The following CRPPA variants were observed in gnomAD, a reference collection of about 807,000 sequenced individuals.
The protein encoded by CRPPA is CDP-L-ribitol pyrophosphorylase A, also known as D-ribitol-5-phosphate cytidylyltransferase.
CRPPA carries 43 observed loss-of-function variants against 52.0 expected under a neutral mutation model. The observed-to-expected ratio is 0.83, with a 90% CI of 0.65 to 1.07. CRPPA has a LOEUF of 1.07. Among genes scored for constraint, CRPPA ranks in the 50% least tolerant of loss-of-function variants. The pLI, the probability that CRPPA is intolerant of heterozygous loss-of-function variation, is 0.00. For synonymous variants in CRPPA, 250 were observed against 203.5 expected (o/e 1.23, Z -1.94); for missense variants, 629 against 551.7 (o/e 1.14, Z -1.40).
At chr7:16,317,822 T>A (rs544933879) in intron 3 of CRPPA, among the ~76,000 whole-genome samples, 76 of 152,320 alleles carry the variant, frequency 5.0e-4, no homozygotes, top group Non-Finnish European at 1.0e-3. Context: ...AACCTCTGCA[T>A]TGCTTGCTTT....
chr7:16,388,064 G>T (rs1787337919), intron 2 of CRPPA, among the ~76,000 whole-genome samples: 1 of 152,078 alleles, frequency 6.6e-6, no homozygotes, highest in African/African-American at 2.4e-5. Context: ...GCTCACTACT[G>T]CTTCAGCCTC....
chr7:16,280,075 T>A (rs1043935069), intron 5 of CRPPA, among the ~76,000 whole-genome samples: 3 of 152,178 alleles, frequency 2.0e-5, no homozygotes, highest in African/African-American at 7.2e-5. Flanking sequence ...CTCACTATCA[T>A]GAGAACAGCA....
intron 2 of CRPPA, among the ~76,000 whole-genome samples, chr7:16,383,831 T>G (rs1024506881): frequency 4.6e-5 from 7 of 152,308 alleles, no homozygotes; most frequent in African/African-American, 1.7e-4. Flanking sequence ...GGTGTGCCGT[T>G]TTTTAAGCCC....
rs373128857 is a variant in CRPPA, at chr7:16,205,137, T to C, written c.1251+10929A>G. On this transcript the variant is annotated intron_variant, in intron 9 of 9. Transcript: ENST00000407010. ...CAAAACAGCTATTCACCATTACTTA[T>C]GTTCTTGAATTCACAACAACGGCCA... is the stretch of plus-strand genomic sequence containing the variant. 1.6e-4 allele frequency among the ~76,000 whole-genome samples: 24 copies of C among 152,324 alleles called. 1 individual carries two copies. In the Middle Eastern group the frequency reaches 0.01, roughly 65 times the overall value.
At chr7:16,129,475 C>T (rs555434735) in intron 9 of CRPPA, among the ~76,000 whole-genome samples, 4 of 152,170 alleles carry the variant, frequency 2.6e-5, no homozygotes, top group Middle Eastern at 3.4e-3. Flanking sequence ...ATCTTAGGCT[C>T]TCATTGTCTC....
At chr7:16,387,365 T>C (rs1324576035) in intron 2 of CRPPA, among the ~76,000 whole-genome samples, 1 of 151,882 alleles carries the variant, frequency 6.6e-6, no homozygotes, top group Non-Finnish European at 1.5e-5. Context: ...AATGTTTGCA[T>C]GTATACTGTA....
At chr7:16,100,900 T>C (rs1782030929) in intron 9 of CRPPA, among the ~76,000 whole-genome samples, 1 of 152,216 alleles carries the variant, frequency 6.6e-6, no homozygotes, top group African/African-American at 2.4e-5. Flanking sequence ...TCTGCATCTA[T>C]TGAGATAATC....
chr7:16,300,652 C>G (rs888470647), intron 5 of CRPPA, among the ~76,000 whole-genome samples: 1 of 152,144 alleles, frequency 6.6e-6, no homozygotes, highest in East Asian at 1.9e-4. Context: ...AGAGGCCAGG[C>G]GTGCTGCTAA....
At chr7:16,259,130 T>TA (rs1783726556) in intron 6 of CRPPA, 118 bp from the exon 7 acceptor site, 5 of 488,082 alleles carry the variant, frequency 1.0e-5, no homozygotes, top group Non-Finnish European at 1.6e-5. Flanking sequence ...ATATATTTTT[T>TA]AAAAAAATGA....
chr7:16,117,959 A>G (rs1026460301), intron 9 of CRPPA, among the ~76,000 whole-genome samples: 3 of 152,194 alleles, frequency 2.0e-5, no homozygotes, highest in African/African-American at 7.2e-5. Flanking sequence ...GCTTTAAAAC[A>G]TAACAGGTCA....
At chr7:16,179,345 T>A (rs544411881) in intron 9 of CRPPA, among the ~76,000 whole-genome samples, 3 of 152,208 alleles carry the variant, frequency 2.0e-5, no homozygotes, top group East Asian at 3.9e-4. Flanking sequence ...AATTCTAGAA[T>A]CCATGAAAAT....
intron 9 of CRPPA, among the ~76,000 whole-genome samples, chr7:16,137,136 G>A (rs959464141): frequency 6.6e-6 from 1 of 152,198 alleles, no homozygotes; most frequent in Admixed American, 6.5e-5. Context: ...CCTTTGGAAG[G>A]TGATTAGGTT....
intron 6 of CRPPA, among the ~76,000 whole-genome samples, chr7:16,275,564 C>T (rs1784183222): frequency 6.6e-6 from 1 of 152,088 alleles, no homozygotes; most frequent in South Asian, 2.1e-4. Context: ...GTGCAATGGT[C>T]ATGCCTGTAT....
At chr7:16,162,448 C>G (rs878946094) in intron 9 of CRPPA, among the ~76,000 whole-genome samples, 2 of 152,164 alleles carry the variant, frequency 1.3e-5, no homozygotes, top group Non-Finnish European at 2.9e-5. Context: ...AGGAGTCATT[C>G]AGGAGCAGGT....
At chr7:16,305,431 A>G (rs564299831) in intron 4 of CRPPA, among the ~76,000 whole-genome samples, 4 of 152,336 alleles carry the variant, frequency 2.6e-5, no homozygotes, top group African/African-American at 9.6e-5. Flanking sequence ...AATCTCATTC[A>G]TAAGAGTAGA....
chr7:16,112,612 C>A (rs1782289316), intron 9 of CRPPA, among the ~76,000 whole-genome samples: 1 of 152,070 alleles, frequency 6.6e-6, no homozygotes, highest in South Asian at 2.1e-4. Context: ...AAAGTAGTTA[C>A]CTAAGACTCC....
chr7:16,406,325 T>G lies in CRPPA; in HGVS notation c.270A>C (p.Ile90=). 1 of 1,613,040 alleles carries G rather than the reference T, an allele frequency of 6.2e-7. No individual in the cohort carries two copies. The highest frequency in any genetic ancestry group is 8.5e-7 in the Non-Finnish European group (1 of 1,179,106). Residue 90 remains isoleucine (I), a synonymous_variant, in exon 2 of 10, where the codon ATA becomes ATC. Coordinates refer to ENST00000407010, the MANE Select transcript of CRPPA (RefSeq NM_001101426.4). ...CAGTTACTGCCACAACAATGTCCTT[T>G]ATCCAACATACTCTAAAAGGAAAGT... is the stretch of plus-strand genomic sequence containing the variant. ...TLQALERVCW[I]KDIVVAVTGE...
chr7:16,125,882 C>A (rs1782569038), intron 9 of CRPPA, among the ~76,000 whole-genome samples: 2 of 123,400 alleles, frequency 1.6e-5, no homozygotes, highest in South Asian at 3.1e-4. Context: ...ACAATAGAAG[C>A]TTGCCTACAC....
intron 9 of CRPPA, among the ~76,000 whole-genome samples, chr7:16,160,946 T>C (rs758191350): frequency 6.6e-6 from 1 of 152,222 alleles, no homozygotes; most frequent in Non-Finnish European, 1.5e-5. Context: ...AGTTTGCTCA[T>C]GTTTTGGCTC....
Sources: gnomAD v4.1 joint callset for allele counts (sites outside exome capture counted in the v4.1 genomes callset) on GRCh38, gnomAD v4.1.1 for gene constraint, MANE v1.5 for transcripts, NCBI Gene and HGNC (gene_info 2026-07-23, HGNC 2026-07-21) for gene names.